Variants in CAPZB observed in about 807,000 individuals in gnomAD.
CAPZB encodes the protein capping actin protein of muscle Z-line subunit beta.
In CAPZB, 2 loss-of-function variants were observed where a neutral mutation model predicts 38.1. That is an observed-to-expected ratio of 0.05 (90% CI 0.02 to 0.17). The LOEUF is 0.17. Ranked by LOEUF, CAPZB falls within the 10% of genes least tolerant of loss-of-function variation. CAPZB has a pLI of 1.00. For missense variants in CAPZB, 161 were observed against 334.2 expected (o/e 0.48, Z 4.04); for synonymous variants, 107 against 127.4 (o/e 0.84, Z 1.08).
chr1:19,431,969 T>A (rs1254110249), intron 1 of CAPZB, among the ~76,000 whole-genome samples: 1 of 137,594 alleles, frequency 7.3e-6, no homozygotes, highest in Non-Finnish European at 1.5e-5. Flanking sequence ...TCCCAGCTAC[T>A]CGGGAGGCTG....
chr1:19,482,000 G>A, intron 1 of CAPZB, among the ~76,000 whole-genome samples: 1 of 152,210 alleles, frequency 6.6e-6, no homozygotes, highest in Admixed American at 6.5e-5. Context: ...TCCTGTAGCT[G>A]CAGGTACCCC....
intron 2 of CAPZB, among the ~76,000 whole-genome samples, chr1:19,393,286 T>G (rs2094247543): frequency 6.6e-6 from 1 of 152,180 alleles, no homozygotes; most frequent in Non-Finnish European, 1.5e-5. Context: ...AAGCTTGTTT[T>G]TGGACGGGAA....
intron 4 of CAPZB, among the ~76,000 whole-genome samples, chr1:19,366,612 C>T (rs892960979): frequency 6.6e-6 from 1 of 151,876 alleles, no homozygotes; most frequent in African/African-American, 2.4e-5. Context: ...TGCTTGAACC[C>T]GGGAGGCAGA....
chr1:19,457,231 T>C lies in CAPZB; in HGVS notation c.3+28205A>G, dbSNP rs192413841. 2.3e-4 allele frequency among the ~76,000 whole-genome samples: 35 copies of C among 152,322 alleles called. No homozygotes were observed. The East Asian group carries it at 6.5e-3, about 28-fold the overall frequency. Reference sequence around the variant, plus strand: ...GAGGTTTACGGCTGATTAGGCCCCTTAGCCATACTGTAATGTGATCAAATT... The same window carrying C: ...GAGGTTTACGGCTGATTAGGCCCCTCAGCCATACTGTAATGTGATCAAATT... On this transcript the variant is annotated intron_variant, in intron 1 of 8. Coordinates refer to ENST00000264202, the MANE Select transcript of CAPZB (RefSeq NM_004930.5).
intron 3 of CAPZB, among the ~76,000 whole-genome samples, chr1:19,384,018 A>G (rs1395000748): frequency 6.6e-6 from 1 of 152,218 alleles, no homozygotes; most frequent in African/African-American, 2.4e-5. Context: ...ATTTCCATTT[A>G]AAGCCAGGAA....
At chr1:19,453,965 C>T (rs962427225) in intron 1 of CAPZB, among the ~76,000 whole-genome samples, 16 of 152,162 alleles carry the variant, frequency 1.1e-4, no homozygotes, top group South Asian at 2.1e-4. Context: ...TTGGGACTCA[C>T]GCCCAGGCAG....
intron 1 of CAPZB, among the ~76,000 whole-genome samples, chr1:19,462,031 G>A (rs896133144): frequency 2.6e-5 from 4 of 152,040 alleles, no homozygotes; most frequent in South Asian, 2.1e-4. Context: ...CTGCAGTCTC[G>A]GCTACTCAGG....
At chr1:19,441,242 C>A (rs904182062) in intron 1 of CAPZB, among the ~76,000 whole-genome samples, 3 of 152,210 alleles carry the variant, frequency 2.0e-5, no homozygotes, top group African/African-American at 7.2e-5. Context: ...AGCCTTGGGT[C>A]TGTACTCTCC....
At chr1:19,468,999 T>C (rs1273224853) in intron 1 of CAPZB, among the ~76,000 whole-genome samples, 1 of 152,234 alleles carries the variant, frequency 6.6e-6, no homozygotes, top group African/African-American at 2.4e-5. Context: ...TCTGTCTGAC[T>C]GGCTCCCACC....
rs773209433 is a variant in CAPZB at position 19,448,805 on chromosome 1, T to TC, written c.4-29056dup. ...GGCCACGGCCACCTGTTGCTCCTCC[T>TC]CCCCCCTCAGATCTAAAGTGCGTGT... On this transcript the variant is annotated intron_variant, in intron 1 of 8. Transcript: ENST00000264202. 1.9e-6 allele frequency: 3 copies of TC among 1,612,140 alleles called. No homozygotes were observed. The South Asian group carries it at 3.3e-5, about 18-fold the overall frequency.
intron 1 of CAPZB, among the ~76,000 whole-genome samples, chr1:19,441,891 C>T (rs906785007): frequency 2.9e-4 from 44 of 151,846 alleles, no homozygotes; most frequent in African/African-American, 1.0e-3. Flanking sequence ...GCCTTGTAAT[C>T]CCAGCTACTT....
chr1:19,413,224 C>T (rs2094364827), intron 2 of CAPZB, among the ~76,000 whole-genome samples: 1 of 152,218 alleles, frequency 6.6e-6, no homozygotes, highest in South Asian at 2.1e-4. Context: ...GGAATAAAGG[C>T]TGCACTTCTT....
rs1022716028 is a variant in CAPZB, at chr1:19,338,833, G to C, written c.*697C>G. 6.6e-6 allele frequency: 1 copy of C among 152,458 alleles called. No individual in the cohort carries two copies. The highest frequency in any genetic ancestry group is 1.5e-5 in the Non-Finnish European group (1 of 68,046). 9.4% of individuals were successfully genotyped at this position (152,458 alleles called of 1,614,324 possible). ...TTTCTTTTCTTTTTTTAAGTATGGAGGCTCAAGTATAAGATGTAGATTTTT... is the reference window on the plus strand; with the variant it reads ...TTTCTTTTCTTTTTTTAAGTATGGACGCTCAAGTATAAGATGTAGATTTTT... On this transcript the variant is annotated 3_prime_UTR_variant, in exon 9 of 9. Coordinates refer to ENST00000264202, the MANE Select transcript of CAPZB (RefSeq NM_004930.5).
At chr1:19,375,977 A>C (rs2094142569) in intron 4 of CAPZB, among the ~76,000 whole-genome samples, 1 of 152,248 alleles carries the variant, frequency 6.6e-6, no homozygotes, top group African/African-American at 2.4e-5. Flanking sequence ...GTATCATTAC[A>C]TATGTGAACG....
chr1:19,375,281 C>T (rs1558198038), intron 4 of CAPZB, among the ~76,000 whole-genome samples: 1 of 152,214 alleles, frequency 6.6e-6, no homozygotes, highest in Non-Finnish European at 1.5e-5. Context: ...CATGTGGTCC[C>T]AGGAGAGAGA....
intron 2 of CAPZB, among the ~76,000 whole-genome samples, chr1:19,390,498 G>C (rs142781975): frequency 3.9e-5 from 6 of 152,256 alleles, no homozygotes; most frequent in Non-Finnish European, 8.8e-5. Flanking sequence ...ATAATTCCCA[G>C]TGACTTGGAA....
rs568044689 is a variant in CAPZB at position 19,339,045 on chromosome 1, G to A, written c.*485C>T. 6.2e-6 allele frequency: 1 copy of A among 161,670 alleles called. No individual in the cohort carries two copies. The highest frequency in any genetic ancestry group is 1.6e-4 in the South Asian group (1 of 6,240). 10.0% of individuals were successfully genotyped at this position (161,670 alleles called of 1,614,324 possible). ...GCACCGAGGGCCACCTCTGCTCCCA[G>A]AGCTGTCCCCTGTCCCCACGACCCC... is the stretch of plus-strand genomic sequence containing the variant. On this transcript the variant is annotated 3_prime_UTR_variant, in exon 9 of 9. Coordinates refer to ENST00000264202, the MANE Select transcript of CAPZB (RefSeq NM_004930.5).
At chr1:19,408,505 A>C (rs922973615) in intron 2 of CAPZB, among the ~76,000 whole-genome samples, 1 of 152,272 alleles carries the variant, frequency 6.6e-6, no homozygotes, top group Non-Finnish European at 1.5e-5. Context: ...TGTGGGCTGG[A>C]GTATCTGCTG....
At chr1:19,366,283 A>AATAAATAAATAAATAT (rs71008151) in intron 4 of CAPZB, among the ~76,000 whole-genome samples, 1 of 60,504 alleles carries the variant, frequency 1.7e-5, no homozygotes, top group African/African-American at 6.4e-5. Flanking sequence ...CGTGTCTTAA[A>AATAAATAAATAAATAT]ATATATATAT....
Sources: allele counts gnomAD v4.1 joint callset (sites outside exome capture counted in the v4.1 genomes callset), GRCh38; gene constraint gnomAD v4.1.1; transcripts MANE v1.5; gene names NCBI Gene and HGNC (gene_info 2026-07-23, HGNC 2026-07-21).